ADCY1: variants seen among roughly 807,000 people sequenced by gnomAD.
ADCY1 encodes the protein adenylate cyclase type 1.
Under a neutral mutation model 105.4 loss-of-function variants are expected in ADCY1, and 28 were observed. The observed-to-expected ratio is 0.27, with a 90% confidence interval of 0.20 to 0.36. The LOEUF is 0.36. ADCY1 is among the 10% of genes least tolerant of loss of function. The probability of loss-of-function intolerance (pLI) is 1.00; values close to 1 mark genes in which losing one functional copy is unlikely to be tolerated. For synonymous variants in ADCY1, 655 were observed against 623.8 expected (o/e 1.05, Z -0.75); for missense variants, 977 against 1,434.2 (o/e 0.68, Z 5.15).
At position 45,710,512 on chromosome 7, in the gene ADCY1, G is replaced by C; in HGVS notation, c.2933-16G>C. On this transcript the variant is annotated splice_polypyrimidine_tract_variant and intron_variant, in intron 18 of 19. Transcript: ENST00000297323. This position sits in a 1 kb window ranked among gnomAD's most constrained non-coding sequence, Gnocchi z 4.7. ...TTTTCCCGCTGATGACAGGTCATGC[G>C]CTGGCTGTTTTCTAGGCATCAATGT... 6.2e-7 allele frequency: 1 copy of C among 1,612,760 alleles called. No homozygotes were observed. Among genetic ancestry groups the C allele is most frequent in the South Asian group, 1.1e-5 (1 of 90,824 alleles).
At chr7:45,641,286 A>G (rs552794983) in intron 4 of ADCY1, among the ~76,000 whole-genome samples, 1 of 152,344 alleles carries the variant, frequency 6.6e-6, no homozygotes, top group East Asian at 1.9e-4. Context: ...TTCTATGACT[A>G]TAAAATGTGA....
intron 5 of ADCY1, among the ~76,000 whole-genome samples, chr7:45,651,941 C>G (rs1230379083): frequency 1.3e-5 from 2 of 152,116 alleles, no homozygotes; most frequent in Non-Finnish European, 2.9e-5. Flanking sequence ...TGTCACACTG[C>G]TATAAAGAAC....
chr7:45,690,025 C>A (rs913638152), intron 14 of ADCY1, among the ~76,000 whole-genome samples: 3 of 152,370 alleles, frequency 2.0e-5, no homozygotes, highest in East Asian at 3.9e-4. Flanking sequence ...CGATCCCTGT[C>A]TCCAAAGGTG....
intron 2 of ADCY1, among the ~76,000 whole-genome samples, chr7:45,594,574 T>C (rs1473256830): frequency 1.3e-5 from 2 of 152,214 alleles, no homozygotes; most frequent in Admixed American, 6.5e-5. Flanking sequence ...GTGTTGGTCT[T>C]TTTTCATTTA....
intron 4 of ADCY1, among the ~76,000 whole-genome samples, chr7:45,629,158 A>G (rs1794154482): frequency 6.6e-6 from 1 of 152,228 alleles, no homozygotes; most frequent in Non-Finnish European, 1.5e-5. Context: ...TTCTATCACT[A>G]CAAATAAGTT....
chr7:45,627,648 C>T (rs1456981140), intron 4 of ADCY1, among the ~76,000 whole-genome samples: 37 of 152,124 alleles, frequency 2.4e-4, no homozygotes, highest in Admixed American at 2.4e-3. Flanking sequence ...AGAGGAGGGG[C>T]TGGGGTGGCC....
intron 17 of ADCY1, among the ~76,000 whole-genome samples, chr7:45,706,889 G>T (rs1465536201): frequency 1.3e-5 from 2 of 152,120 alleles, no homozygotes; most frequent in Non-Finnish European, 2.9e-5. Flanking sequence ...GTTAAAAAGT[G>T]GGCAAACAAT....
intron 1 of ADCY1, among the ~76,000 whole-genome samples, chr7:45,579,917 G>A (rs1473884590): frequency 6.6e-6 from 1 of 152,104 alleles, no homozygotes; most frequent in Non-Finnish European, 1.5e-5. Context: ...AACAGCAGGG[G>A]ACATCCATGC....
At chr7:45,584,858 T>C (rs1314699034) in intron 1 of ADCY1, among the ~76,000 whole-genome samples, 1 of 152,242 alleles carries the variant, frequency 6.6e-6, no homozygotes, top group Admixed American at 6.5e-5. Flanking sequence ...GTGGTAAGCA[T>C]GCAGCTGATG....
intron 5 of ADCY1, among the ~76,000 whole-genome samples, chr7:45,656,694 C>T (rs974790519): frequency 3.3e-5 from 5 of 152,106 alleles, no homozygotes; most frequent in African/African-American, 4.8e-5. Context: ...ACAGGCTTCT[C>T]GGGTGGGTGG....
chr7:45,699,269 A>AC (rs1257598155), intron 14 of ADCY1, among the ~76,000 whole-genome samples: 1 of 152,196 alleles, frequency 6.6e-6, no homozygotes, highest in East Asian at 1.9e-4. Context: ...TCTGGAGCAC[A>AC]CTGAGGGCAG....
intron 8 of ADCY1, 58 bp downstream of exon 8, chr7:45,662,272 G>C: frequency 6.4e-7 from 1 of 1,550,616 alleles, no homozygotes; most frequent in Non-Finnish European, 8.7e-7. Flanking sequence ...TCTCTGTCCT[G>C]CCCTCCCAAT....
chr7:45,664,223 C>T, intron 8 of ADCY1: 1 of 1,448,710 alleles, frequency 6.9e-7, no homozygotes, highest in East Asian at 2.5e-5. Flanking sequence ...GTTTCAGAGC[C>T]TGGCTAAAAT....
At chr7:45,610,701 G>GGA (rs1793513663) in intron 3 of ADCY1, among the ~76,000 whole-genome samples, 1 of 150,100 alleles carries the variant, frequency 6.7e-6, no homozygotes, top group Non-Finnish European at 1.5e-5. Flanking sequence ...GGTGATAGTG[G>GGA]AGGTGATGGT....
In ADCY1 at chr7:45,591,307, A is replaced by G. The variant is rs1792910132; in HGVS notation, c.640-1452A>G. Among the ~76,000 whole-genome samples the G allele has an allele frequency of 6.6e-6, 1 of 152,118 alleles. No individual in the cohort carries two copies. Among genetic ancestry groups the G allele is most frequent in the Non-Finnish European group, 1.5e-5 (1 of 68,020 alleles). ...CCTCCTAGAGCCGTCTGGGGGCCCC[A>G]TCCTGCTGCCTGTAGCTTGGCCCGA... On this transcript the variant is annotated intron_variant, in intron 1 of 19. Transcript: ENST00000297323. This position sits in a 1 kb window ranked among gnomAD's most constrained non-coding sequence, Gnocchi z 4.1.
rs1465558041 is a variant in ADCY1 at position 45,647,413 on chromosome 7, G to A, written c.1021-1257G>A. Among the ~76,000 whole-genome samples, 4 of 152,182 alleles carry A rather than the reference G, an allele frequency of 2.6e-5. No homozygotes were observed. The highest frequency in any genetic ancestry group is 4.4e-5 in the Non-Finnish European group (3 of 68,044). ...ATGCACTTGTGTTAACTCAGCATTC[G>A]ACAGGACCTGCAGGGCCCCAGTCAT... is the stretch of plus-strand genomic sequence containing the variant. On this transcript the variant is annotated intron_variant, in intron 4 of 19. Coordinates refer to ENST00000297323, the MANE Select transcript of ADCY1 (RefSeq NM_021116.4). The surrounding 1 kb of genome is among the most constrained non-coding windows in gnomAD (Gnocchi z 4.6).
chr7:45,629,204 C>A (rs947332295), intron 4 of ADCY1, among the ~76,000 whole-genome samples: 1 of 152,194 alleles, frequency 6.6e-6, no homozygotes, highest in Non-Finnish European at 1.5e-5. Flanking sequence ...TGGAACAAAG[C>A]AATATGTACT....
chr7:45,623,786 GTCTCC>G (rs1584279031), intron 4 of ADCY1, among the ~76,000 whole-genome samples: 1 of 152,220 alleles, frequency 6.6e-6, no homozygotes, highest in African/African-American at 2.4e-5. Context: ...GGCACAGGAA[GTCTCC>G]TCTTTCGAAG....
chr7:45,627,628 G>A (rs1322942076), intron 4 of ADCY1, among the ~76,000 whole-genome samples: 1 of 152,170 alleles, frequency 6.6e-6, no homozygotes, highest in Non-Finnish European at 1.5e-5. Flanking sequence ...GCCCACATAT[G>A]AGAATGGCCA....
Sources: allele counts gnomAD v4.1 joint callset (sites outside exome capture counted in the v4.1 genomes callset), GRCh38; gene constraint gnomAD v4.1.1; non-coding constraint Gnocchi (gnomAD v3.1); transcripts MANE v1.5; gene names NCBI Gene and HGNC (gene_info 2026-07-23, HGNC 2026-07-21).